The following TENM2 variants were observed in gnomAD, a reference collection of about 807,000 sequenced individuals.
TENM2 encodes teneurin-2.
In TENM2, 52 loss-of-function variants were observed where a neutral mutation model predicts 245.2. That is an observed-to-expected ratio of 0.21 (90% CI 0.17 to 0.27). The LOEUF (loss-of-function observed/expected upper bound fraction) is 0.27. TENM2 is among the 10% of genes least tolerant of loss of function. TENM2 has a pLI of 1.00. For missense variants in TENM2, 3,046 were observed against 3,666.8 expected, an observed-to-expected ratio of 0.83 and a Z score of 4.37; for synonymous variants, 1,363 against 1,438.9, an observed-to-expected ratio of 0.95 and a Z score of 1.19.
intron 2 of TENM2, among the ~76,000 whole-genome samples, chr5:167,778,321 G>A (rs1190540454): frequency 6.6e-6 from 1 of 152,184 alleles, no homozygotes; most frequent in Non-Finnish European, 1.5e-5. Context: ...TGGCCAAGTA[G>A]GGTAGGAACT....
intron 3 of TENM2, among the ~76,000 whole-genome samples, chr5:167,926,787 G>A (rs1179470827): frequency 6.6e-6 from 1 of 150,912 alleles, no homozygotes; most frequent in African/African-American, 2.4e-5. Flanking sequence ...CTTAGCGATG[G>A]GAGTTTTCTG....
chr5:167,461,665 A>C (rs959240768), intron 2 of TENM2, among the ~76,000 whole-genome samples: 4 of 152,218 alleles, frequency 2.6e-5, no homozygotes, highest in Non-Finnish European at 4.4e-5. Flanking sequence ...TCTTGCATGT[A>C]TCTTAATTCT....
the TENM2 span, among the ~76,000 whole-genome samples, chr5:167,275,359 A>G: frequency 6.6e-6 from 1 of 152,044 alleles, no homozygotes; most frequent in Non-Finnish European, 1.5e-5. Context: ...GTGCCTTTCT[A>G]TATATACTGT....
chr5:168,139,895 A>G (rs1004389302), intron 12 of TENM2, among the ~76,000 whole-genome samples: 3 of 152,202 alleles, frequency 2.0e-5, no homozygotes, highest in African/African-American at 7.2e-5. Flanking sequence ...TTGGATTGTT[A>G]TGTATGGTCT....
At chr5:167,228,707 A>ATTTTTTT in the TENM2 span, among the ~76,000 whole-genome samples, 3 of 148,744 alleles carry the variant, frequency 2.0e-5, no homozygotes. Context: ...ACTTCTTCCA[A>ATTTTTTT]TTTTTTTTTA....
chr5:168,025,158 T>C (rs1391443524), intron 5 of TENM2, among the ~76,000 whole-genome samples: 1 of 152,218 alleles, frequency 6.6e-6, no homozygotes, highest in East Asian at 1.9e-4. Flanking sequence ...AATGGAAAAC[T>C]ACATGGTCTT....
At chr5:167,153,473 A>AG in the TENM2 span, among the ~76,000 whole-genome samples, 1 of 151,968 alleles carries the variant, frequency 6.6e-6, no homozygotes, top group African/African-American at 2.4e-5. Flanking sequence ...AAGGAAGATG[A>AG]GGGGTTCGTC....
intron 2 of TENM2, among the ~76,000 whole-genome samples, chr5:167,589,617 GA>G (rs1050802990): frequency 4.0e-5 from 6 of 151,556 alleles, no homozygotes; most frequent in East Asian, 1.9e-4. Flanking sequence ...GGAAAATTTA[GA>G]AAAAAAATTG....
At chr5:167,452,268 A>G (rs1177868940) in intron 2 of TENM2, among the ~76,000 whole-genome samples, 4 of 152,156 alleles carry the variant, frequency 2.6e-5, no homozygotes, top group Admixed American at 1.3e-4. Context: ...AATGTTAGAG[A>G]TGAGTGTGGT....
chr5:167,933,081 A>G (rs998006167), intron 3 of TENM2, among the ~76,000 whole-genome samples: 9 of 152,208 alleles, frequency 5.9e-5, no homozygotes, highest in African/African-American at 1.9e-4. Flanking sequence ...CAGCGAAGTG[A>G]CAATTCAGAG....
Position 167,829,072 on chromosome 5 carries a change from G to T in TENM2, c.503-46914G>T, listed in dbSNP as rs554649627. 1.1e-3 allele frequency among the ~76,000 whole-genome samples: 170 copies of T among 152,302 alleles called. 1 individual carries two copies. The South Asian group carries it at 0.013, about 12-fold the overall frequency. On this transcript the variant is annotated intron_variant, in intron 2 of 28. Coordinates refer to ENST00000518659, the Ensembl canonical transcript of TENM2. ...CTACTGAGAGTGTTGTGCTTGGCAG[G>T]TCAGGAGCAGTGGATTGAAGCTCTC...
rs568914350 is a variant in TENM2 at position 168,192,547 on chromosome 5, A to G, written c.2780+2000A>G. Reference sequence around the variant, plus strand: ...GCCATTCTTGCTTCCCAAATAAAACATTTTAAATTTAGAGATTAATCTTTC... The same window carrying G: ...GCCATTCTTGCTTCCCAAATAAAACGTTTTAAATTTAGAGATTAATCTTTC... On this transcript the variant is annotated intron_variant, in intron 14 of 28. Transcript: ENST00000518659. 4.6e-5 allele frequency among the ~76,000 whole-genome samples: 7 copies of G among 152,342 alleles called. No individual in the cohort carries two copies. The South Asian group carries it at 8.3e-4, about 18-fold the overall frequency.
chr5:167,695,342 C>T (rs1757692471), intron 2 of TENM2, among the ~76,000 whole-genome samples: 2 of 151,924 alleles, frequency 1.3e-5, no homozygotes, highest in African/African-American at 4.8e-5. Flanking sequence ...GGTGTGGCAC[C>T]AAAAAAACTT....
chr5:167,249,375 G>A, the TENM2 span, among the ~76,000 whole-genome samples: 317 of 152,244 alleles, frequency 2.1e-3, 2 homozygotes, highest in African/African-American at 7.4e-3. Context: ...AATGAACATT[G>A]CTGACATTTA....
intron 4 of TENM2, among the ~76,000 whole-genome samples, chr5:167,987,917 G>A (rs948174757): frequency 1.3e-5 from 2 of 152,244 alleles, no homozygotes; most frequent in Non-Finnish European, 2.9e-5. Flanking sequence ...TCTACTTATC[G>A]TTGGTTTTTT....
chr5:168,086,603 A>G (rs1168048141), intron 7 of TENM2, among the ~76,000 whole-genome samples: 1 of 152,154 alleles, frequency 6.6e-6, no homozygotes, highest in East Asian at 1.9e-4. Flanking sequence ...CAGCCGGTGC[A>G]CAGACACATC....
chr5:168,245,064 A>G (rs1766428256), intron 26 of TENM2, among the ~76,000 whole-genome samples: 1 of 151,972 alleles, frequency 6.6e-6, no homozygotes, highest in Admixed American at 6.6e-5. Context: ...ACCGCACCTG[A>G]CCATTTCTGC....
chr5:167,492,024 A>T (rs953001666), intron 2 of TENM2, among the ~76,000 whole-genome samples: 1 of 152,190 alleles, frequency 6.6e-6, no homozygotes, highest in African/African-American at 2.4e-5. Context: ...TAACTATTGC[A>T]TTATTAGTAT....
chr5:167,197,484 G>C, the TENM2 span, among the ~76,000 whole-genome samples: 14,344 of 152,082 alleles, frequency 0.094, 1,955 homozygotes, highest in African/African-American at 0.3. Flanking sequence ...GAGCCAAGAG[G>C]CTTCTTTATA....
Sources: gnomAD v4.1 joint callset for allele counts (sites outside exome capture counted in the v4.1 genomes callset) on GRCh38, gnomAD v4.1.1 for gene constraint, MANE v1.5 for transcripts, NCBI Gene and HGNC (gene_info 2026-07-23, HGNC 2026-07-21) for gene names.